The following CA6 variants were observed in gnomAD, a reference collection of about 807,000 sequenced individuals.
The protein encoded by CA6 is carbonate dehydratase VI.
CA6 carries 28 observed loss-of-function variants against 35.9 expected under a neutral mutation model. That is an observed-to-expected ratio of 0.78 (90% CI 0.58 to 1.07). The LOEUF (loss-of-function observed/expected upper bound fraction) is 1.07, where lower values mean the gene tolerates loss of function less well. Ranked by LOEUF, CA6 falls within the 50% of genes least tolerant of loss-of-function variation. CA6 has a pLI of 0.00. For missense variants in CA6, 377 were observed against 382.0 expected, an observed-to-expected ratio of 0.99 and a Z score of 0.11; for synonymous variants, 148 against 152.6, an observed-to-expected ratio of 0.97 and a Z score of 0.22.
chr1:8,946,319 A>ACCATGCCCAGTCAGGTTTTGAAAGG (rs1557616800), intron 1 of CA6, among the ~76,000 whole-genome samples: 6 of 152,060 alleles, frequency 3.9e-5, no homozygotes, highest in African/African-American at 1.2e-4. Context: ...GGCATGAGCC[A>ACCATGCCCAGTCAGGTTTTGAAAGG]TTGCGCCCGG....
At chr1:8,961,981 T>C (rs573837713) in intron 4 of CA6, among the ~76,000 whole-genome samples, 4 of 152,290 alleles carry the variant, frequency 2.6e-5, no homozygotes, top group Admixed American at 2.6e-4. Flanking sequence ...GGCTCACGCC[T>C]GTAATCCCAG....
intron 4 of CA6, among the ~76,000 whole-genome samples, chr1:8,962,067 C>T (rs563313817): frequency 6.6e-6 from 1 of 152,124 alleles, no homozygotes; most frequent in East Asian, 1.9e-4. Context: ...TGGTGAAACC[C>T]CATCTCTACT....
chr1:8,973,710 C>CTCTTTCTTTCTTTCTT (rs1173408031), intron 7 of CA6, among the ~76,000 whole-genome samples: 5 of 106,428 alleles, frequency 4.7e-5, no homozygotes, highest in Admixed American at 1.0e-4. Flanking sequence ...TTCTTTCTCT[C>CTCTTTCTTTCTTTCTT]TCTTTCTTTC....
intron 1 of CA6, 132 bp from the exon 2 acceptor site, chr1:8,949,131 C>T: frequency 1.7e-6 from 1 of 598,192 alleles, no homozygotes; most frequent in South Asian, 2.6e-5. Context: ...GGGGGACCTG[C>T]TTCTGCTTTC....
chr1:8,953,747 A>G (rs1421134641), intron 2 of CA6, among the ~76,000 whole-genome samples: 1 of 152,140 alleles, frequency 6.6e-6, no homozygotes, highest in Non-Finnish European at 1.5e-5. Context: ...AGGCGTTTGA[A>G]CCAGAGTGAC....
chr1:8,973,706 CTCTCTCTTTCTT>C (rs1246857397), intron 7 of CA6, among the ~76,000 whole-genome samples: 3 of 113,432 alleles, frequency 2.6e-5, no homozygotes, highest in South Asian at 3.1e-4. Flanking sequence ...ATTTTTCTTT[CTCTCTCTTTCTT>C]TCTTTCTTTC....
chr1:8,971,844 C>A (rs12138897), intron 7 of CA6, among the ~76,000 whole-genome samples: 4 of 152,152 alleles, frequency 2.6e-5, no homozygotes, highest in African/African-American at 9.6e-5. Context: ...AGGCTCCAAC[C>A]GTGTCCTTGG....
rs752041164 is a variant in CA6 at position 8,967,738 on chromosome 1, C to T, written c.651C>T (p.Gly217=). Residue 217 remains glycine (G), a synonymous_variant, in exon 6 of 8, where the codon GGC becomes GGT. Transcript: ENST00000377443. ...TCCAGCACTACTACACCTACCATGG[C>T]TCACTCACCACGCCTCCCTGCACTG... The part of the protein sequence containing the change: ...RNLQHYYTYH[G]SLTTPPCTEN... The T allele has an allele frequency of 9.3e-6, 15 of 1,613,874 alleles. No individual in the cohort carries two copies. Among genetic ancestry groups the T allele is most frequent in the South Asian group, 6.6e-5 (6 of 91,080 alleles).
At chr1:8,972,942 C>T (rs1241096863) in intron 7 of CA6, among the ~76,000 whole-genome samples, 1 of 152,022 alleles carries the variant, frequency 6.6e-6, no homozygotes, top group African/African-American at 2.4e-5. Flanking sequence ...AGCAAGAATC[C>T]CTTTGTCCGA....
chr1:8,956,304 TCTTA>T (rs1217630581), intron 2 of CA6, among the ~76,000 whole-genome samples: 2 of 152,208 alleles, frequency 1.3e-5, no homozygotes, highest in Non-Finnish European at 2.9e-5. Context: ...TAGATATTTT[TCTTA>T]GTCACTTTTC....
Position 8,956,591 on chromosome 1 carries a change from T to A in CA6, c.260-546T>A, listed in dbSNP as rs144708265. Among the ~76,000 whole-genome samples, 135 of 152,086 alleles carry A rather than the reference T, an allele frequency of 8.9e-4. 1 individual carries two copies. The highest frequency in any genetic ancestry group is 3.1e-3 in the African/African-American group (130 of 41,500). On this transcript the variant is annotated intron_variant, in intron 2 of 7. Transcript: ENST00000377443. Reference sequence around the variant, plus strand: ...GATAGGATCCCTTGAAGCCAGGAGTTGGAGGCTGCAGTGAGTTGCTGCAGC... The same window carrying A: ...GATAGGATCCCTTGAAGCCAGGAGTAGGAGGCTGCAGTGAGTTGCTGCAGC...
At chr1:8,965,357 CT>C (rs924161516) in intron 5 of CA6, among the ~76,000 whole-genome samples, 5 of 152,262 alleles carry the variant, frequency 3.3e-5, no homozygotes, top group South Asian at 2.1e-4. Flanking sequence ...ATTGCCGGAA[CT>C]TTTTTTCGTC....
chr1:8,954,964 G>C (rs558872676), intron 2 of CA6, among the ~76,000 whole-genome samples: 1 of 152,270 alleles, frequency 6.6e-6, no homozygotes, highest in South Asian at 2.1e-4. Context: ...ACAAAGACAA[G>C]TTGCTACAAA....
At chr1:8,962,398 T>TCATGAAC in intron 4 of CA6, among the ~76,000 whole-genome samples, 189 bp from the exon 5 acceptor site, 1 of 152,216 alleles carries the variant, frequency 6.6e-6, no homozygotes, top group East Asian at 1.9e-4. Context: ...CTGGAAGGAC[T>TCATGAAC]CATGAACCTG....
At chr1:8,951,277 A>C in intron 2 of CA6, 1 of 577,956 alleles carries the variant, frequency 1.7e-6, no homozygotes, top group Non-Finnish European at 3.1e-6. Context: ...TGGTGAAAGT[A>C]GCAAATTGGA....
chr1:8,970,755 C>G (rs1321192138), intron 6 of CA6, 112 bp from the exon 7 acceptor site: 4 of 746,612 alleles, frequency 5.4e-6, no homozygotes, highest in Middle Eastern at 5.0e-4. Context: ...CCCGCCCCAG[C>G]CTCCCAAAAT....
chr1:8,953,282 A>G (rs1639588148), intron 2 of CA6, among the ~76,000 whole-genome samples: 1 of 152,266 alleles, frequency 6.6e-6, no homozygotes, highest in East Asian at 1.9e-4. Context: ...ATCCAAAGAC[A>G]TCCGGGCTGC....
At chr1:8,958,228 C>T (rs1192997037) in intron 3 of CA6, among the ~76,000 whole-genome samples, 1 of 152,042 alleles carries the variant, frequency 6.6e-6, no homozygotes, top group Non-Finnish European at 1.5e-5. Flanking sequence ...AGTGAAGTGG[C>T]ATGATCTTGG....
Position 8,958,364 on chromosome 1 carries a change from C to T in CA6, c.409-546C>T, listed in dbSNP as rs190897043. Among the ~76,000 whole-genome samples the T allele has an allele frequency of 2.6e-5, 4 of 152,166 alleles. No individual in the cohort carries two copies. In the East Asian group the frequency reaches 5.8e-4, roughly 22 times the overall value. On this transcript the variant is annotated intron_variant, in intron 3 of 7. Coordinates refer to ENST00000377443, the MANE Select transcript of CA6 (RefSeq NM_001215.4). ...TGTACTTTTAGTAGAGACGGGGTTT[C>T]GCCATGTTGGTCAGGCTGGTCTCAA...
Sources: allele counts gnomAD v4.1 joint callset (sites outside exome capture counted in the v4.1 genomes callset), GRCh38; gene constraint gnomAD v4.1.1; transcripts MANE v1.5; gene names NCBI Gene and HGNC (gene_info 2026-07-23, HGNC 2026-07-21).